RPRD2: variants seen among roughly 807,000 people sequenced by gnomAD.
RPRD2 encodes the protein regulation of nuclear pre-mRNA domain-containing protein 2.
Under a neutral mutation model 104.4 loss-of-function variants are expected in RPRD2, and 12 were observed. That is an observed-to-expected ratio of 0.11 (90% CI 0.07 to 0.19). RPRD2 has a LOEUF of 0.19. RPRD2 is among the 10% of genes least tolerant of loss of function. The pLI, the probability that RPRD2 is intolerant of heterozygous loss-of-function variation, is 1.00. For synonymous variants in RPRD2, 714 were observed against 684.9 expected (o/e 1.04, Z -0.66); for missense variants, 1,543 against 1,790.1 (o/e 0.86, Z 2.49).
chr1:150,423,776 C>T (rs963270619), intron 2 of RPRD2, among the ~76,000 whole-genome samples: 5 of 149,382 alleles, frequency 3.3e-5, no homozygotes, highest in South Asian at 2.1e-4. Flanking sequence ...GCAAATATTC[C>T]GAAATCTGAA....
At chr1:150,365,484 C>T (rs1659765867) in intron 1 of RPRD2, among the ~76,000 whole-genome samples, 1 of 152,202 alleles carries the variant, frequency 6.6e-6, no homozygotes, top group African/African-American at 2.4e-5. Context: ...TTTCCCTGTA[C>T]CTGTGTTTGC....
At chr1:150,435,344 C>T (rs12028001) in intron 2 of RPRD2, among the ~76,000 whole-genome samples, 50,040 of 152,004 alleles carry the variant, frequency 0.33, 8,949 homozygotes, top group Non-Finnish European at 0.4. Context: ...GGAAGAGTCA[C>T]ACATCTTTTG....
At chr1:150,455,115 A>C (rs898229889) in intron 7 of RPRD2, among the ~76,000 whole-genome samples, 1 of 152,174 alleles carries the variant, frequency 6.6e-6, no homozygotes, top group Non-Finnish European at 1.5e-5. Context: ...TCATTACCCC[A>C]GTCTAGCCAT....
intron 1 of RPRD2, among the ~76,000 whole-genome samples, chr1:150,382,333 A>G (rs1661199106): frequency 1.3e-5 from 2 of 152,168 alleles, no homozygotes; most frequent in African/African-American, 4.8e-5. Flanking sequence ...AGTTCTAGAA[A>G]TTCATTGAGA....
intron 1 of RPRD2, among the ~76,000 whole-genome samples, chr1:150,367,433 A>C (rs1367946256): frequency 1.0e-5 from 1 of 98,882 alleles, no homozygotes; most frequent in Non-Finnish European, 2.7e-5. Flanking sequence ...TTGGTTTCTA[A>C]GTCAGCTTTA....
chr1:150,430,284 A>C (rs2102316720), intron 2 of RPRD2, among the ~76,000 whole-genome samples: 1 of 152,222 alleles, frequency 6.6e-6, no homozygotes, highest in South Asian at 2.1e-4. Context: ...ACAGATGGAA[A>C]AAAATAATCT....
intron 8 of RPRD2, among the ~76,000 whole-genome samples, chr1:150,458,039 A>G (rs1425686460): frequency 1.3e-5 from 2 of 152,180 alleles, no homozygotes; most frequent in Admixed American, 1.3e-4. Flanking sequence ...ACTGCACTCC[A>G]GTCTGGGAGA....
intron 1 of RPRD2, among the ~76,000 whole-genome samples, chr1:150,393,643 A>T (rs1456732868): frequency 6.6e-6 from 1 of 152,100 alleles, no homozygotes; most frequent in Non-Finnish European, 1.5e-5. Context: ...AGAATTTGGC[A>T]TCAATAGTAG....
chr1:150,468,826 A>G (rs1668438409), intron 10 of RPRD2, among the ~76,000 whole-genome samples: 2 of 152,078 alleles, frequency 1.3e-5, no homozygotes, highest in South Asian at 2.1e-4. Flanking sequence ...ACAGTGAGCT[A>G]TGATCGCACC....
At chr1:150,469,827 A>C (rs1370105076) in intron 10 of RPRD2, among the ~76,000 whole-genome samples, 2 of 152,066 alleles carry the variant, frequency 1.3e-5, no homozygotes, top group East Asian at 3.9e-4. Flanking sequence ...GATTTTCCAC[A>C]CTATAAAATG....
intron 2 of RPRD2, among the ~76,000 whole-genome samples, chr1:150,431,573 C>T (rs1283191167): frequency 2.0e-5 from 3 of 148,188 alleles, no homozygotes; most frequent in African/African-American, 7.5e-5. Context: ...TTCCGCTTCC[C>T]GGGTTCAAGC....
chr1:150,466,099 C>A (rs1424568107), intron 10 of RPRD2, among the ~76,000 whole-genome samples: 3 of 151,598 alleles, frequency 2.0e-5, no homozygotes, highest in African/African-American at 4.9e-5. Context: ...AAAATTAGCG[C>A]CGGGCGCGGT....
intron 1 of RPRD2, among the ~76,000 whole-genome samples, chr1:150,370,024 C>T (rs904083811): frequency 2.6e-5 from 4 of 151,846 alleles, no homozygotes; most frequent in Admixed American, 2.6e-4. Flanking sequence ...TCAAGTGATT[C>T]GCCCACCTCA....
intron 2 of RPRD2, among the ~76,000 whole-genome samples, chr1:150,429,404 G>T (rs138602472): frequency 1.3e-5 from 2 of 151,790 alleles, no homozygotes; most frequent in Admixed American, 6.6e-5. Flanking sequence ...TCTCAGGCTG[G>T]AGTACAGTGG....
chr1:150,382,002 G>A (rs1463403040), intron 1 of RPRD2, among the ~76,000 whole-genome samples: 1 of 152,112 alleles, frequency 6.6e-6, no homozygotes, highest in Non-Finnish European at 1.5e-5. Context: ...TAAATAAGAT[G>A]CTTCATATGA....
At chr1:150,456,993 G>A (rs1553897705) in intron 7 of RPRD2, among the ~76,000 whole-genome samples, 1 of 151,952 alleles carries the variant, frequency 6.6e-6, no homozygotes, top group African/African-American at 2.4e-5. Flanking sequence ...GGAGGCTGAG[G>A]CGTGTGGATC....
In RPRD2 at chr1:150,371,432, TG is replaced by T. The variant is rs781907338; in HGVS notation, c.205+6515del. ...AGGCTAGAGTGCAGTGGCACGATCG[TG>T]GCTCACTGCAAGCTCCGCCTCCCGT... On this transcript the variant is annotated intron_variant, in intron 1 of 10. Coordinates refer to ENST00000369068, the MANE Select transcript of RPRD2 (RefSeq NM_015203.5). Among the ~76,000 whole-genome samples the T allele has an allele frequency of 9.2e-5, 14 of 152,316 alleles. No individual in the cohort carries two copies. In the Middle Eastern group the frequency reaches 0.01, roughly 111 times the overall value.
intron 10 of RPRD2, among the ~76,000 whole-genome samples, chr1:150,466,010 C>G (rs1553899856): frequency 3.5e-5 from 2 of 57,682 alleles, no homozygotes; most frequent in African/African-American, 1.8e-4. Context: ...AAGACTCAGT[C>G]CAAAAAAAAA....
intron 7 of RPRD2, among the ~76,000 whole-genome samples, chr1:150,456,576 T>C (rs1476131092): frequency 6.6e-6 from 1 of 151,378 alleles, no homozygotes; most frequent in African/African-American, 2.4e-5. Flanking sequence ...AAGACTAGCC[T>C]GGATAACATA....
Sources: allele counts gnomAD v4.1 joint callset (sites outside exome capture counted in the v4.1 genomes callset), GRCh38; gene constraint gnomAD v4.1.1; transcripts MANE v1.5; gene names NCBI Gene and HGNC (gene_info 2026-07-23, HGNC 2026-07-21).